PRKAG2: variants seen among roughly 807,000 people sequenced by gnomAD.
PRKAG2 encodes the protein 5'-AMP-activated protein kinase subunit gamma-2.
A neutral mutation model predicts 69.6 loss-of-function variants in PRKAG2; 26 were observed. That is an observed-to-expected ratio of 0.37 (90% confidence interval 0.27 to 0.52). The LOEUF (loss-of-function observed/expected upper bound fraction) is 0.52, where lower values mean the gene tolerates loss of function less well. Among genes scored for constraint, PRKAG2 ranks in the 20% least tolerant of loss-of-function variants. The pLI is 0.90. For synonymous variants in PRKAG2, 293 were observed against 285.0 expected, an observed-to-expected ratio of 1.03 and a Z score of -0.28; for missense variants, 557 against 740.0, an observed-to-expected ratio of 0.75 and a Z score of 2.87.
chr7:151,618,668 G>A (rs986117905), intron 5 of PRKAG2, among the ~76,000 whole-genome samples: 11 of 152,146 alleles, frequency 7.2e-5, no homozygotes, highest in African/African-American at 2.4e-4. Context: ...GGGAGGCTGA[G>A]GCAGGAGAAT....
intron 1 of PRKAG2, among the ~76,000 whole-genome samples, chr7:151,802,533 C>G (rs956433483): frequency 8.2e-5 from 12 of 146,036 alleles, no homozygotes; most frequent in Middle Eastern, 6.8e-3. Flanking sequence ...ATACTCCCCA[C>G]GGCCCACCTG....
At chr7:151,692,729 G>A (rs1298548945) in intron 3 of PRKAG2, among the ~76,000 whole-genome samples, 1 of 152,184 alleles carries the variant, frequency 6.6e-6, no homozygotes, top group Non-Finnish European at 1.5e-5. Context: ...GGGCTCGGAT[G>A]GAGACGCCTC....
At chr7:151,755,826 C>A (rs2075045296) in intron 3 of PRKAG2, among the ~76,000 whole-genome samples, 1 of 152,224 alleles carries the variant, frequency 6.6e-6, no homozygotes, top group African/African-American at 2.4e-5. Flanking sequence ...CTCACGGGGG[C>A]CACGGCCCCT....
At chr7:151,586,516 C>G (rs562403965) in intron 6 of PRKAG2, among the ~76,000 whole-genome samples, 2 of 152,202 alleles carry the variant, frequency 1.3e-5, no homozygotes, top group Non-Finnish European at 2.9e-5. Context: ...TAGGAATCTC[C>G]TTTGTAAGTT....
At chr7:151,792,695 C>A (rs953846141) in intron 1 of PRKAG2, among the ~76,000 whole-genome samples, 2 of 152,260 alleles carry the variant, frequency 1.3e-5, no homozygotes, top group African/African-American at 4.8e-5. Flanking sequence ...ATGGCCCCCA[C>A]CTCAGGGCAA....
At chr7:151,609,789 G>T (rs1018729720) in intron 5 of PRKAG2, among the ~76,000 whole-genome samples, 7 of 152,176 alleles carry the variant, frequency 4.6e-5, no homozygotes, top group Non-Finnish European at 2.9e-5. Context: ...TTCAGAAGGG[G>T]TTGGCCTCAA....
At chr7:151,861,631 T>C (rs2079928605) in intron 1 of PRKAG2, among the ~76,000 whole-genome samples, 1 of 151,604 alleles carries the variant, frequency 6.6e-6, no homozygotes, top group Non-Finnish European at 1.5e-5. Flanking sequence ...TGGCCACAGC[T>C]ACATTCTTAG....
intron 1 of PRKAG2, among the ~76,000 whole-genome samples, chr7:151,870,115 A>AGATG (rs2080179381): frequency 1.8e-5 from 2 of 111,314 alleles, no homozygotes; most frequent in Non-Finnish European, 2.0e-5. Flanking sequence ...TGCAGATGAT[A>AGATG]GATAGATAGA....
chr7:151,728,719 G>A (rs1345147184), intron 3 of PRKAG2, among the ~76,000 whole-genome samples: 1 of 152,138 alleles, frequency 6.6e-6, no homozygotes, highest in Non-Finnish European at 1.5e-5. Flanking sequence ...GCTCTCCAGA[G>A]GGCGGCTGCT....
Position 151,855,420 on chromosome 7 carries a change from CAT to C in PRKAG2, c.114+21085_114+21086del, listed in dbSNP as rs1159014803. ...TCCACACACCACCCTCCACATACAC[CAT>C]GCTCCACACACACCGCCCTCCACAC... On this transcript the variant is annotated intron_variant, in intron 1 of 15. Coordinates refer to ENST00000287878, the MANE Select transcript of PRKAG2 (RefSeq NM_016203.4). Among the ~76,000 whole-genome samples the C allele has an allele frequency of 1.1e-3, 46 of 42,146 alleles. 12 individuals carry two copies. The highest frequency in any genetic ancestry group is 1.6e-3 in the Non-Finnish European group (34 of 21,322). The allele number at this position is 42,146 out of a possible 152,430, so 27.6% of individuals were successfully genotyped here. A position where few individuals can be genotyped will look rare whatever the true frequency, so the allele number is the denominator to read the frequency against.
intron 3 of PRKAG2, among the ~76,000 whole-genome samples, chr7:151,713,853 G>A (rs1355395869): frequency 6.6e-6 from 1 of 152,124 alleles, no homozygotes; most frequent in Non-Finnish European, 1.5e-5. Flanking sequence ...CAGGATTACA[G>A]GCATGAGCCA....
intron 6 of PRKAG2, among the ~76,000 whole-genome samples, chr7:151,580,828 AG>A (rs1285222701): frequency 1.3e-5 from 2 of 152,036 alleles, no homozygotes; most frequent in African/African-American, 4.8e-5. Flanking sequence ...GGGAGGAAGT[AG>A]GGGCAGTTCA....
chr7:151,796,522 G>T (rs1019100783), intron 1 of PRKAG2, among the ~76,000 whole-genome samples: 1 of 152,250 alleles, frequency 6.6e-6, no homozygotes, highest in African/African-American at 2.4e-5. Context: ...TGGCAGCAGA[G>T]TGGGGCAATC....
chr7:151,570,899 C>G (rs1197167314), intron 9 of PRKAG2, among the ~76,000 whole-genome samples: 1 of 151,990 alleles, frequency 6.6e-6, no homozygotes, highest in African/African-American at 2.4e-5. Flanking sequence ...TCCCAAATAG[C>G]TGGGACTAAA....
chr7:151,870,111 TGATAGATA>T (rs57003272), intron 1 of PRKAG2, among the ~76,000 whole-genome samples: 16 of 120,316 alleles, frequency 1.3e-4, no homozygotes, highest in South Asian at 6.2e-4. Flanking sequence ...AAGGTGCAGA[TGATAGATA>T]GATAGATAGA....
intron 1 of PRKAG2, among the ~76,000 whole-genome samples, chr7:151,874,957 G>T (rs990058474): frequency 2.6e-5 from 4 of 152,174 alleles, no homozygotes; most frequent in Admixed American, 2.6e-4. Context: ...TATAAAGCAG[G>T]AAAAATGGGT....
rs534200610 is a variant in PRKAG2, at chr7:151,731,512, G to A, written c.466+49640C>T. Among the ~76,000 whole-genome samples the A allele has an allele frequency of 1.5e-4, 21 of 140,806 alleles. 1 individual carries two copies. The highest frequency in any genetic ancestry group is 5.2e-4 in the African/African-American group (20 of 38,350). 92.4% of individuals were successfully genotyped at this position (140,806 alleles called of 152,430 possible). On this transcript the variant is annotated intron_variant, in intron 3 of 15. Transcript: ENST00000287878. ...TGCAGGGCCTTGATTTGATGGCTGT[G>A]GGGAGAGCTCTGTGTGTGTGTGTGC...
chr7:151,669,070 G>A (rs115466601), intron 4 of PRKAG2, among the ~76,000 whole-genome samples: 98 of 152,308 alleles, frequency 6.4e-4, no homozygotes, highest in African/African-American at 2.3e-3. Flanking sequence ...TGCCTATAAG[G>A]AAACGCACTC....
intron 3 of PRKAG2, among the ~76,000 whole-genome samples, chr7:151,744,094 G>A (rs1039626156): frequency 6.6e-6 from 1 of 152,196 alleles, no homozygotes; most frequent in Non-Finnish European, 1.5e-5. Context: ...CTGCACATGA[G>A]GATAAGTGGC....
Sources: allele counts gnomAD v4.1 joint callset (sites outside exome capture counted in the v4.1 genomes callset), GRCh38; gene constraint gnomAD v4.1.1; transcripts MANE v1.5; gene names NCBI Gene and HGNC (gene_info 2026-07-23, HGNC 2026-07-21).